The following KCND2 variants were observed in gnomAD, a reference collection of about 807,000 sequenced individuals.
KCND2 encodes the protein potassium voltage-gated channel subfamily D member 2.
Under a neutral mutation model 54.4 loss-of-function variants are expected in KCND2, and 16 were observed. That is an observed-to-expected ratio of 0.29 (90% CI 0.20 to 0.45). The LOEUF (loss-of-function observed/expected upper bound fraction) is 0.45. Among genes scored for constraint, KCND2 ranks in the 20% least tolerant of loss-of-function variants. KCND2 has a pLI of 1.00. For synonymous variants in KCND2, 317 were observed against 310.7 expected, an observed-to-expected ratio of 1.02 and a Z score of -0.21; for missense variants, 486 against 824.2, an observed-to-expected ratio of 0.59 and a Z score of 5.02.
intron 1 of KCND2, among the ~76,000 whole-genome samples, chr7:120,608,387 C>G (rs1044709384): frequency 1.3e-5 from 2 of 152,082 alleles, no homozygotes; most frequent in Admixed American, 1.3e-4. Flanking sequence ...GAAGAAATTA[C>G]TCCAGTATCC....
intron 1 of KCND2, among the ~76,000 whole-genome samples, chr7:120,320,941 C>G (rs1390311371): frequency 2.0e-5 from 3 of 152,128 alleles, no homozygotes; most frequent in Admixed American, 1.3e-4. Flanking sequence ...AAGGAAATAG[C>G]TTATGAATGA....
chr7:120,478,297 A>G (rs1438459565), intron 1 of KCND2, among the ~76,000 whole-genome samples: 1 of 152,176 alleles, frequency 6.6e-6, no homozygotes, highest in Non-Finnish European at 1.5e-5. Flanking sequence ...ACACTTTTAA[A>G]TTGTCCTTTA....
At chr7:120,544,395 A>G (rs1465978537) in intron 1 of KCND2, among the ~76,000 whole-genome samples, 2 of 151,950 alleles carry the variant, frequency 1.3e-5, no homozygotes, top group Non-Finnish European at 2.9e-5. Flanking sequence ...GTACTCTAAG[A>G]TTTTATTTCC....
chr7:120,309,243 T>C (rs1168811390), intron 1 of KCND2, among the ~76,000 whole-genome samples: 1 of 152,046 alleles, frequency 6.6e-6, no homozygotes, highest in Non-Finnish European at 1.5e-5. Context: ...TCGCAGATTC[T>C]GGCAAAAGTT....
At chr7:120,548,954 A>G (rs1009223779) in intron 1 of KCND2, among the ~76,000 whole-genome samples, 6 of 152,074 alleles carry the variant, frequency 3.9e-5, no homozygotes, top group Non-Finnish European at 8.8e-5. Context: ...CTGTGGCACC[A>G]TTTTTGTTTC....
chr7:120,305,308 T>C (rs1300555890), intron 1 of KCND2, among the ~76,000 whole-genome samples: 1 of 152,170 alleles, frequency 6.6e-6, no homozygotes, highest in East Asian at 1.9e-4. Flanking sequence ...TTTACTTTTT[T>C]CTTGTGGGCC....
chr7:120,376,793 G>A (rs991573809), intron 1 of KCND2, among the ~76,000 whole-genome samples: 24 of 151,714 alleles, frequency 1.6e-4, no homozygotes, highest in African/African-American at 5.8e-4. Context: ...TAAAAAATCA[G>A]CTATCCTGAG....
At chr7:120,349,471 A>G (rs1800371192) in intron 1 of KCND2, among the ~76,000 whole-genome samples, 1 of 152,188 alleles carries the variant, frequency 6.6e-6, no homozygotes, top group South Asian at 2.1e-4. Flanking sequence ...GTCCTGAACT[A>G]CTATTACTAG....
At chr7:120,722,308 A>G (rs1219716298) in intron 1 of KCND2, among the ~76,000 whole-genome samples, 4 of 152,100 alleles carry the variant, frequency 2.6e-5, no homozygotes, top group Non-Finnish European at 5.9e-5. Context: ...TCTGAGTGAG[A>G]ACACCAGGCC....
intron 1 of KCND2, among the ~76,000 whole-genome samples, chr7:120,410,397 A>T (rs764032420): frequency 6.6e-6 from 1 of 151,990 alleles, no homozygotes; most frequent in Non-Finnish European, 1.5e-5. Context: ...TGTAAATTTT[A>T]GAATCAGTTT....
intron 1 of KCND2, among the ~76,000 whole-genome samples, chr7:120,487,536 C>T (rs1330004406): frequency 6.6e-6 from 1 of 152,074 alleles, no homozygotes; most frequent in Non-Finnish European, 1.5e-5. Context: ...TCATAGGACC[C>T]TCTTTATATC....
intron 1 of KCND2, among the ~76,000 whole-genome samples, chr7:120,589,252 A>G (rs73441808): frequency 0.011 from 1,638 of 152,366 alleles, 35 homozygotes; most frequent in African/African-American, 0.037. Flanking sequence ...GTACTAGGAT[A>G]TGACAGATTC....
At chr7:120,527,283 GA>G (rs1344079585) in intron 1 of KCND2, among the ~76,000 whole-genome samples, 1 of 152,042 alleles carries the variant, frequency 6.6e-6, no homozygotes, top group Non-Finnish European at 1.5e-5. Context: ...GGTCATTAGG[GA>G]CCTCATTCCT....
intron 1 of KCND2, among the ~76,000 whole-genome samples, chr7:120,502,709 A>G (rs1802954552): frequency 6.6e-6 from 1 of 152,086 alleles, no homozygotes; most frequent in Admixed American, 6.6e-5. Context: ...GCACCAAAGC[A>G]GTTAGGGAGC....
In KCND2 at chr7:120,405,098, T is replaced by C. The variant is rs1018806425; in HGVS notation, c.1115+129351T>C. ...GTGATTTAAGTACTTCCATTTATAT[T>C]TTATGAATTATCTTAAGGAAGCAAA... On this transcript the variant is annotated intron_variant, in intron 1 of 5. Transcript: ENST00000331113. Among the ~76,000 whole-genome samples the C allele has an allele frequency of 2.6e-5, 4 of 152,154 alleles. No individual in the cohort carries two copies. In the East Asian group the frequency reaches 7.7e-4, roughly 29 times the overall value.
intron 1 of KCND2, among the ~76,000 whole-genome samples, chr7:120,416,236 A>C (rs1207639044): frequency 6.6e-5 from 10 of 152,108 alleles, no homozygotes; most frequent in Admixed American, 6.6e-4. Context: ...ATTCTGCCCC[A>C]CTTCGTTCTC....
chr7:120,720,085 C>T (rs1792648405), intron 1 of KCND2, among the ~76,000 whole-genome samples: 1 of 152,050 alleles, frequency 6.6e-6, no homozygotes, highest in Non-Finnish European at 1.5e-5. Context: ...TTAGTTTGTT[C>T]TCAATTTACA....
At chr7:120,676,028 A>G (rs974518762) in intron 1 of KCND2, among the ~76,000 whole-genome samples, 35 of 151,854 alleles carry the variant, frequency 2.3e-4, no homozygotes, top group African/African-American at 8.0e-4. Context: ...AATAGAGACG[A>G]GGTTTGGCCA....
chr7:120,455,807 C>G (rs944012156), intron 1 of KCND2, among the ~76,000 whole-genome samples: 1 of 152,030 alleles, frequency 6.6e-6, no homozygotes, highest in African/African-American at 2.4e-5. Flanking sequence ...TACATATGTA[C>G]TTCAGGGTTA....
Sources: allele counts gnomAD v4.1 joint callset (sites outside exome capture counted in the v4.1 genomes callset), GRCh38; gene constraint gnomAD v4.1.1; transcripts MANE v1.5; gene names NCBI Gene and HGNC (gene_info 2026-07-23, HGNC 2026-07-21).